Variants in CLCA2 observed in about 807,000 individuals in gnomAD.
The protein encoded by CLCA2 is chloride channel accessory 2.
A neutral mutation model predicts 82.9 loss-of-function variants in CLCA2; 85 were observed. That is an observed-to-expected ratio of 1.03 (90% confidence interval 0.86 to 1.23). The LOEUF is 1.23. Among genes scored for constraint, CLCA2 ranks in the 50% most tolerant of loss-of-function variants. CLCA2 has a pLI of 0.00. For missense variants in CLCA2, 1,089 were observed against 1,124.8 expected, an observed-to-expected ratio of 0.97 and a Z score of 0.45; for synonymous variants, 421 against 391.7, an observed-to-expected ratio of 1.07 and a Z score of -0.88.
chr1:86,435,932 T>TAA (rs34457421), intron 6 of CLCA2, among the ~76,000 whole-genome samples: 244 of 128,080 alleles, frequency 1.9e-3, no homozygotes, highest in East Asian at 6.5e-3. Flanking sequence ...TTTAAATGGT[T>TAA]AAAAAAAAAA....
At position 86,455,559 on chromosome 1, in the gene CLCA2, A is replaced by G. The variant is rs776806612; in HGVS notation, c.*32A>G. On this transcript the variant is annotated 3_prime_UTR_variant, in exon 14 of 14. Coordinates refer to ENST00000370565, the MANE Select transcript of CLCA2 (RefSeq NM_006536.7). Reference sequence around the variant, plus strand: ...ATCCAAAGTGTCTTCCTTCTTAGATATAAGACCCATGGCCTTCGACTACAA... The same window carrying G: ...ATCCAAAGTGTCTTCCTTCTTAGATGTAAGACCCATGGCCTTCGACTACAA... The G allele has an allele frequency of 1.8e-5, 25 of 1,373,922 alleles. No homozygotes were observed. Among genetic ancestry groups the G allele is most frequent in the Non-Finnish European group, 4.8e-6 (5 of 1,039,424 alleles). The allele number at this position is 1,373,922 out of a possible 1,614,324, so 85.1% of individuals were successfully genotyped here.
chr1:86,448,707 T>C (rs1166359049), intron 11 of CLCA2, among the ~76,000 whole-genome samples: 1 of 152,234 alleles, frequency 6.6e-6, no homozygotes, highest in African/African-American at 2.4e-5. Context: ...CAATCATGTA[T>C]GATGTGCAGG....
rs747368671 is a variant in CLCA2, at chr1:86,425,438, AAT to A, written c.288_289del (p.Asn96LysfsTer2). On this transcript the variant is annotated frameshift_variant, in exon 2 of 14. Coordinates refer to ENST00000370565, the MANE Select transcript of CLCA2 (RefSeq NM_006536.7). LOFTEE classifies it high-confidence loss of function. The part of the protein sequence containing the change: ...KILIPATWKA[N>X]NNSKIKQESY... ...TTTAATACCTGCCACATGGAAAGCT[AAT>A]AATAACAGCAAAATAAAACAAGAAT... The A allele has an allele frequency of 1.3e-6, 2 of 1,566,762 alleles. No individual in the cohort carries two copies. Among genetic ancestry groups the A allele is most frequent in the Admixed American group, 3.6e-5 (2 of 55,194 alleles).
intron 6 of CLCA2, 127 bp downstream of exon 6, chr1:86,434,872 T>C: frequency 1.4e-6 from 1 of 737,948 alleles, no homozygotes; most frequent in Admixed American, 2.4e-5. Flanking sequence ...CAGGTAGACA[T>C]GTGCCATAGT....
chr1:86,446,831 T>G (rs980756270), intron 10 of CLCA2, among the ~76,000 whole-genome samples: 2 of 152,224 alleles, frequency 1.3e-5, no homozygotes, highest in African/African-American at 4.8e-5. Context: ...AATTTTAGTC[T>G]TTTTCTTTCA....
Position 86,455,690 on chromosome 1 carries a change from TG to T in CLCA2, c.*168del. 2.4e-6 allele frequency: 1 copy of T among 409,338 alleles called. No homozygotes were observed. Among genetic ancestry groups the T allele is most frequent in the Non-Finnish European group, 4.2e-6 (1 of 239,742 alleles). 25.4% of individuals were successfully genotyped at this position (409,338 alleles called of 1,614,324 possible). ...ACATGGTAGATCAACAAATTCTTTT[TG>T]GGGGTAGATTAGAAAACCCTTACAC... On this transcript the variant is annotated 3_prime_UTR_variant, in exon 14 of 14. Coordinates refer to ENST00000370565, the MANE Select transcript of CLCA2 (RefSeq NM_006536.7).
At chr1:86,442,390 T>C (rs1662753534) in intron 9 of CLCA2, among the ~76,000 whole-genome samples, 1 of 152,168 alleles carries the variant, frequency 6.6e-6, no homozygotes, top group African/African-American at 2.4e-5. Context: ...AAAACAAATG[T>C]TTAAAGAAGT....
Position 86,428,607 on chromosome 1 carries a change from C to T in CLCA2, c.475+39C>T, listed in dbSNP as rs188358387. ...ATAAAACAATAGCCATTGGACAATA[C>T]TACTTATAATATTCTGTGCTTGGTG... On this transcript the variant is annotated intron_variant, in intron 3 of 13. Transcript: ENST00000370565. 5.0e-6 allele frequency: 8 copies of T among 1,599,026 alleles called. No individual in the cohort carries two copies. The East Asian group carries it at 1.8e-4, about 36-fold the overall frequency.
intron 1 of CLCA2, among the ~76,000 whole-genome samples, chr1:86,424,978 C>T (rs1662360523): frequency 6.6e-6 from 1 of 152,042 alleles, no homozygotes; most frequent in Non-Finnish European, 1.5e-5. Flanking sequence ...GATGTAAGAG[C>T]CTCCATTTAG....
At chr1:86,432,676 A>G (rs1007193245) in intron 5 of CLCA2, 148 bp downstream of exon 5, 21 of 916,862 alleles carry the variant, frequency 2.3e-5, no homozygotes, top group Non-Finnish European at 3.0e-5. Flanking sequence ...ACAGATTTAA[A>G]AATTGGAACC....
At chr1:86,428,628 T>C (rs1457506679) in intron 3 of CLCA2, 60 bp downstream of exon 3, 1 of 1,561,052 alleles carries the variant, frequency 6.4e-7, no homozygotes. Context: ...ATTCTGTGCT[T>C]GGTGCTGAAA....
intron 8 of CLCA2, 125 bp from the exon 9 acceptor site, chr1:86,441,312 C>G: frequency 1.7e-6 from 1 of 593,544 alleles, no homozygotes; most frequent in Non-Finnish European, 2.9e-6. Context: ...GCAAGTCAAG[C>G]ACAGCTCCCA....
At position 86,439,021 on chromosome 1, in the gene CLCA2, G is replaced by T; in HGVS notation, c.1118G>T (p.Arg373Leu). Residue 373 changes from arginine (R) to leucine (L), a missense_variant, in exon 7 of 14, where the codon CGA (arginine) becomes CTA (leucine). Coordinates refer to ENST00000370565, the MANE Select transcript of CLCA2 (RefSeq NM_006536.7). ...CACCAAATTAACAGCAATGATGATC[G>T]AAAGTTGCTGGTTTCATATCTGCCC... ...QLHQINSNDD[R>L]KLLVSYLPTT... 6.2e-7 allele frequency: 1 copy of T among 1,614,094 alleles called. No homozygotes were observed. Among genetic ancestry groups the T allele is most frequent in the Non-Finnish European group, 8.5e-7 (1 of 1,179,982 alleles).
chr1:86,436,926 C>T (rs1662623682), intron 6 of CLCA2, among the ~76,000 whole-genome samples: 1 of 152,158 alleles, frequency 6.6e-6, no homozygotes, highest in East Asian at 1.9e-4. Flanking sequence ...ATTGGTCAGG[C>T]TGGTCTCGAA....
Position 86,434,725 on chromosome 1 carries a change from G to T in CLCA2, c.952G>T (p.Val318Leu). The change falls in exon 6 of 14, where the codon GTG becomes TTG. Residue 318 changes from valine to leucine, a missense_variant. By Grantham distance (32) the Val-to-Leu change is conservative. Transcript: ENST00000370565. ...CAAAGTGGTCTGTTTAGTGCTGGAT[G>T]TGTCCAGCAAGATGGCAGAGGTAAC... ...GDKVVCLVLD[V>L]SSKMAEADRL... The T allele has an allele frequency of 1.2e-6, 2 of 1,611,502 alleles. No individual in the cohort carries two copies. Among genetic ancestry groups the T allele is most frequent in the Non-Finnish European group, 1.7e-6 (2 of 1,177,592 alleles).
At chr1:86,434,243 A>G (rs1662555481) in intron 5 of CLCA2, among the ~76,000 whole-genome samples, 1 of 143,592 alleles carries the variant, frequency 7.0e-6, no homozygotes, top group Non-Finnish European at 1.5e-5. Flanking sequence ...AAGATTATGT[A>G]TATATATACA....
rs184057081 is a variant in CLCA2, at chr1:86,437,956, C to A, written c.973-920C>A. Among the ~76,000 whole-genome samples the A allele has an allele frequency of 1.1e-4, 17 of 152,248 alleles. No homozygotes were observed. In the East Asian group the frequency reaches 3.3e-3, roughly 29 times the overall value. On this transcript the variant is annotated intron_variant, in intron 6 of 13. Coordinates refer to ENST00000370565, the MANE Select transcript of CLCA2 (RefSeq NM_006536.7). Reference sequence around the variant, plus strand: ...ATTAGCAAAAGTTGAAGGCAGAGTTCTAAGTCCTTGTTTTACCCCCTTTAC... The same window carrying A: ...ATTAGCAAAAGTTGAAGGCAGAGTTATAAGTCCTTGTTTTACCCCCTTTAC...
At chr1:86,446,936 G>A (rs1461601433) in intron 10 of CLCA2, among the ~76,000 whole-genome samples, 1 of 152,098 alleles carries the variant, frequency 6.6e-6, no homozygotes, top group Non-Finnish European at 1.5e-5. Context: ...GTATAATCCT[G>A]ACCTATTAAA....
chr1:86,448,084 T>C (rs1290037464), intron 11 of CLCA2: 1 of 349,242 alleles, frequency 2.9e-6, no homozygotes, highest in Non-Finnish European at 5.2e-6. Flanking sequence ...TCTATGTCCT[T>C]ATGACATACT....
Sources: gnomAD v4.1 joint callset for allele counts (sites outside exome capture counted in the v4.1 genomes callset) on GRCh38, gnomAD v4.1.1 for gene constraint, MANE v1.5 for transcripts, NCBI Gene and HGNC (gene_info 2026-07-23, HGNC 2026-07-21) for gene names.